SERPINH1: variants seen among roughly 807,000 people sequenced by gnomAD.
The protein encoded by SERPINH1 is serpin H1.
Under a neutral mutation model 32.3 loss-of-function variants are expected in SERPINH1, and 22 were observed. That is an observed-to-expected ratio of 0.68 (90% CI 0.49 to 0.97). The LOEUF (loss-of-function observed/expected upper bound fraction) is 0.97, where lower values mean the gene tolerates loss of function less well. Ranked by LOEUF, SERPINH1 falls within the 50% of genes least tolerant of loss-of-function variation. The pLI is 0.00. For missense variants in SERPINH1, 543 were observed against 576.4 expected, an observed-to-expected ratio of 0.94 and a Z score of 0.59; for synonymous variants, 251 against 245.9, an observed-to-expected ratio of 1.02 and a Z score of -0.19.
intron 4 of SERPINH1, 139 bp from the exon 5 acceptor site, chr11:75,571,642 A>G: frequency 1.3e-6 from 1 of 747,250 alleles, no homozygotes; most frequent in African/African-American, 1.7e-5. Flanking sequence ...TGCCAGTGCC[A>G]TGCCTGGCAT....
rs1942210268 is a variant in SERPINH1 at position 75,572,194 on chromosome 11, G to T, written c.*111G>T. 1 of 1,076,882 alleles carries T rather than the reference G, an allele frequency of 9.3e-7. No homozygotes were observed. The highest frequency in any genetic ancestry group is 1.4e-6 in the Non-Finnish European group (1 of 723,096). The allele number at this position is 1,076,882 out of a possible 1,614,324, so 66.7% of individuals were successfully genotyped here. On this transcript the variant is annotated 3_prime_UTR_variant, in exon 5 of 5. Transcript: ENST00000358171. ...GTACCAGCCTTGGATACTCCATGGG[G>T]TGGGGGTGGAAAAACAGACCGGGGT... is the stretch of plus-strand genomic sequence containing the variant.
In SERPINH1 at chr11:75,572,439, T is replaced by C. The variant is rs966565372; in HGVS notation, c.*356T>C. The C allele has an allele frequency of 8.3e-6, 3 of 361,198 alleles. No individual in the cohort carries two copies. The highest frequency in any genetic ancestry group is 7.6e-5 in the Admixed American group (2 of 26,284). 22.4% of individuals were successfully genotyped at this position (361,198 alleles called of 1,614,324 possible). ...GTGAGACCAAATTGAGCTAGGGGGGTCAGCCAGCCCTCTTCTGACACTAAA... is the reference window on the plus strand; with the variant it reads ...GTGAGACCAAATTGAGCTAGGGGGGCCAGCCAGCCCTCTTCTGACACTAAA... On this transcript the variant is annotated 3_prime_UTR_variant, in exon 5 of 5. Coordinates refer to ENST00000358171, the MANE Select transcript of SERPINH1 (RefSeq NM_001235.5).
Position 75,569,223 on chromosome 11 carries a change from T to A in SERPINH1, c.954+52T>A, listed in dbSNP as rs1439982145. On this transcript the variant is annotated intron_variant, in intron 4 of 4. Transcript: ENST00000358171. The stretch of plus-strand genomic sequence containing the variant: ...TGCAGGCCTTGGAGCCAGGGGGAGG[T>A]GCTTGGGGGACCCACTCACCAATTC... The A allele has an allele frequency of 7.3e-6, 10 of 1,364,424 alleles. No homozygotes were observed. The Admixed American group carries it at 2.0e-4, about 27-fold the overall frequency. The allele number at this position is 1,364,424 out of a possible 1,614,324, so 84.5% of individuals were successfully genotyped here. A position where few individuals can be genotyped will look rare whatever the true frequency, so the allele number is the denominator to read the frequency against.
rs915709248 is a variant in SERPINH1 at position 75,572,160 on chromosome 11, G to A, written c.*77G>A. On this transcript the variant is annotated 3_prime_UTR_variant, in exon 5 of 5. Coordinates refer to ENST00000358171, the MANE Select transcript of SERPINH1 (RefSeq NM_001235.5). ...ACATGGGTGCTATTGGGGTTGGGGGGGAGGTGAGGTACCAGCCTTGGATAC... is the reference window on the plus strand; with the variant it reads ...ACATGGGTGCTATTGGGGTTGGGGGAGAGGTGAGGTACCAGCCTTGGATAC... 1.8e-5 allele frequency: 26 copies of A among 1,450,518 alleles called. No individual in the cohort carries two copies. The highest frequency in any genetic ancestry group is 2.3e-5 in the Non-Finnish European group (24 of 1,045,302). The allele number at this position is 1,450,518 out of a possible 1,614,324, so 89.9% of individuals were successfully genotyped here. A position where few individuals can be genotyped will look rare whatever the true frequency, so the allele number is the denominator to read the frequency against.
In SERPINH1 at chr11:75,572,496, A is replaced by C; in HGVS notation, c.*413A>C. 7.3e-6 allele frequency: 2 copies of C among 272,758 alleles called. No individual in the cohort carries two copies. Among genetic ancestry groups the C allele is most frequent in the Non-Finnish European group, 1.4e-5 (2 of 139,284 alleles). The allele number at this position is 272,758 out of a possible 1,614,324, so 16.9% of individuals were successfully genotyped here. ...CAGCTGCCTCCCCAGCTCTATCCCA[A>C]CCTCTCCCAACTATAAAACTAGGTG... On this transcript the variant is annotated 3_prime_UTR_variant, in exon 5 of 5. Coordinates refer to ENST00000358171, the MANE Select transcript of SERPINH1 (RefSeq NM_001235.5).
In SERPINH1 at chr11:75,566,872, G is replaced by A. The variant is rs766813083; in HGVS notation, c.523G>A (p.Glu175Lys). The A allele has an allele frequency of 8.1e-6, 13 of 1,610,628 alleles. No homozygotes were observed. The highest frequency in any genetic ancestry group is 1.1e-5 in the Non-Finnish European group (13 of 1,179,964). Reference protein sequence around the residue: ...DKRSALQSINEWAAQTTDGKL... With the variant: ...DKRSALQSINKWAAQTTDGKL... ...GCGCAGCGCGCTGCAGTCCATCAACGAGTGGGCCGCGCAGACCACCGACGG... is the reference window on the plus strand; with the variant it reads ...GCGCAGCGCGCTGCAGTCCATCAACAAGTGGGCCGCGCAGACCACCGACGG... Residue 175 changes from glutamate to lysine, a missense_variant, in exon 2 of 5, where the codon GAG becomes AAG. Glu to Lys is a moderately conservative substitution (Grantham distance 56). Around this residue, in one of 3 missense-constraint regions of SERPINH1, gnomAD observed 427 missense variants for 446.4 expected, o/e 0.96. Transcript: ENST00000358171.
intron 4 of SERPINH1, 102 bp downstream of exon 4, chr11:75,569,273 G>A (rs571258595): frequency 3.6e-6 from 3 of 825,188 alleles, no homozygotes; most frequent in African/African-American, 3.4e-5. Flanking sequence ...AAGACCCCCT[G>A]GATGTCCAGG....
intron 4 of SERPINH1, among the ~76,000 whole-genome samples, chr11:75,569,602 T>G (rs1780077225): frequency 6.6e-6 from 1 of 151,930 alleles, no homozygotes; most frequent in Non-Finnish European, 1.5e-5. Context: ...TTTGTATTTT[T>G]AATAGAGACG....
At chr11:75,569,260 C>G (rs1315343582) in intron 4 of SERPINH1, 89 bp downstream of exon 4, 3 of 920,498 alleles carry the variant, frequency 3.3e-6, no homozygotes, top group Non-Finnish European at 5.1e-6. Context: ...GCAGGTCTGT[C>G]CCAAGACCCC....
At chr11:75,567,288 T>C (rs564030283) in intron 2 of SERPINH1, among the ~76,000 whole-genome samples, 2 of 152,386 alleles carry the variant, frequency 1.3e-5, no homozygotes, top group South Asian at 4.1e-4. Flanking sequence ...TCTGCCTCAG[T>C]AGTGAGCTAG....
At chr11:75,570,025 T>C (rs1024892398) in intron 4 of SERPINH1, among the ~76,000 whole-genome samples, 1 of 151,744 alleles carries the variant, frequency 6.6e-6, no homozygotes, top group Non-Finnish European at 1.5e-5. Context: ...CTCAAGATTC[T>C]CCCTTGCAAC....
In SERPINH1 at chr11:75,566,785, T is replaced by C. The variant is rs972547822; in HGVS notation, c.436T>C (p.Phe146Leu). The change falls in exon 2 of 5, where the codon TTC becomes CTC. Residue 146 changes from phenylalanine to leucine, a missense_variant. By Grantham distance (22) the Phe-to-Leu change is conservative. Coordinates refer to ENST00000358171, the MANE Select transcript of SERPINH1 (RefSeq NM_001235.5). ...GPSSVSFADD[F>L]VRSSKQHYNC... ...CAGCTCAGTGAGCTTCGCTGATGAC[T>C]TCGTGCGCAGCAGCAAGCAGCACTA... 8 of 1,613,146 alleles carry C rather than the reference T, an allele frequency of 5.0e-6. No homozygotes were observed. In the Admixed American group the frequency reaches 1.2e-4, roughly 24 times the overall value.
chr11:75,564,521 G>A (rs1397161821), intron 1 of SERPINH1, among the ~76,000 whole-genome samples: 1 of 152,168 alleles, frequency 6.6e-6, no homozygotes, highest in Non-Finnish European at 1.5e-5. Context: ...CTATTGTCCT[G>A]GCATAATAAT....
chr11:75,568,671 CTG>C, intron 2 of SERPINH1, 58 bp from the exon 3 acceptor site: 3 of 1,129,400 alleles, frequency 2.7e-6, no homozygotes, highest in Non-Finnish European at 2.7e-6. Context: ...TGGCTGTGGG[CTG>C]TGATTGTGTT....
chr11:75,569,224 G>A (rs1942155542), intron 4 of SERPINH1, 53 bp downstream of exon 4: 2 of 1,361,522 alleles, frequency 1.5e-6, no homozygotes, highest in South Asian at 1.2e-5. Context: ...AGGGGGAGGT[G>A]CTTGGGGGAC....
rs541972599 is a variant in SERPINH1, at chr11:75,572,437, G to A, written c.*354G>A. 1.7e-5 allele frequency: 6 copies of A among 360,718 alleles called. No homozygotes were observed. The East Asian group carries it at 4.1e-4, about 25-fold the overall frequency. 22.3% of individuals were successfully genotyped at this position (360,718 alleles called of 1,614,324 possible). On this transcript the variant is annotated 3_prime_UTR_variant, in exon 5 of 5. Coordinates refer to ENST00000358171, the MANE Select transcript of SERPINH1 (RefSeq NM_001235.5). ...CTGTGAGACCAAATTGAGCTAGGGG[G>A]GTCAGCCAGCCCTCTTCTGACACTA...
chr11:75,565,348 G>A (rs1415722854), intron 1 of SERPINH1, among the ~76,000 whole-genome samples: 1 of 152,186 alleles, frequency 6.6e-6, no homozygotes, highest in African/African-American at 2.4e-5. Flanking sequence ...GATGGGGAAG[G>A]GGGTCACTGC....
At position 75,566,401 on chromosome 11, in the gene SERPINH1, G is replaced by C; in HGVS notation, c.52G>C (p.Ala18Pro). Residue 18 changes from alanine (A) to proline (P), a missense_variant, in exon 2 of 5, where the codon GCC (alanine) becomes CCC (proline). Transcript: ENST00000358171. Reference protein sequence around the residue: ...SAFCLLEAALAAEVKKPAAAA... With the variant: ...SAFCLLEAALPAEVKKPAAAA... ...CTTCTGCCTCCTGGAGGCGGCCCTG[G>C]CCGCCGAGGTGAAGAAACCTGCAGC... The C allele has an allele frequency of 6.2e-7, 1 of 1,610,628 alleles. No individual in the cohort carries two copies. The highest frequency in any genetic ancestry group is 8.5e-7 in the Non-Finnish European group (1 of 1,179,194).
intron 1 of SERPINH1, among the ~76,000 whole-genome samples, chr11:75,565,351 G>A (rs1942054681): frequency 6.6e-6 from 1 of 152,316 alleles, no homozygotes; most frequent in Middle Eastern, 3.4e-3. Context: ...GGGGAAGGGG[G>A]TCACTGCTCT....
Sources: allele counts gnomAD v4.1 joint callset (sites outside exome capture counted in the v4.1 genomes callset), GRCh38; gene constraint gnomAD v4.1.1; regional missense constraint gnomAD v4.1.1; transcripts MANE v1.5; gene names NCBI Gene and HGNC (gene_info 2026-07-23, HGNC 2026-07-21).